Variants in ST18 observed in about 807,000 individuals in gnomAD.
ST18 encodes the protein suppression of tumorigenicity 18 protein.
In ST18, 50 loss-of-function variants were observed where a neutral mutation model predicts 110.0. That is an observed-to-expected ratio of 0.45 (90% CI 0.36 to 0.58). ST18 has a LOEUF of 0.58. Ranked by LOEUF, ST18 falls within the 20% of genes least tolerant of loss-of-function variation. The pLI is 0.00. For missense variants in ST18, 1,306 were observed against 1,280.1 expected (o/e 1.02, Z -0.31); for synonymous variants, 461 against 452.4 (o/e 1.02, Z -0.24).
chr8:52,180,668 C>CA (rs71915660), intron 8 of ST18, among the ~76,000 whole-genome samples: 7,223 of 147,770 alleles, frequency 0.049, 212 homozygotes, highest in East Asian at 0.083. Context: ...CCACCAGATA[C>CA]AAAAAAAAAA....
chr8:52,345,040 C>T lies in ST18; in HGVS notation c.-465+64288G>A, dbSNP rs544206974. On this transcript the variant is annotated intron_variant, in intron 2 of 25. Coordinates refer to ENST00000689386, the MANE Select transcript of ST18 (RefSeq NM_001352837.2). ...CCAAAGTTTATGTGCTTGGCTGATA[C>T]GTTAGGCTTTCTCAATACATATAAT... Among the ~76,000 whole-genome samples, 4 of 152,190 alleles carry T rather than the reference C, an allele frequency of 2.6e-5. 1 individual carries two copies. The highest frequency in any genetic ancestry group is 2.1e-4 in the South Asian group (1 of 4,818).
intron 22 of ST18, among the ~76,000 whole-genome samples, chr8:52,128,055 A>G (rs1360086966): frequency 6.6e-6 from 1 of 151,686 alleles, no homozygotes; most frequent in Admixed American, 6.6e-5. Flanking sequence ...TGCAACCTCC[A>G]CCTCCTGGGC....
intron 2 of ST18, among the ~76,000 whole-genome samples, chr8:52,373,621 T>G (rs573520809): frequency 1.3e-5 from 2 of 152,114 alleles, no homozygotes; most frequent in African/African-American, 2.4e-5. Context: ...CAAACCCTCC[T>G]AGGCCACTGG....
rs138612701 is a variant in ST18, at chr8:52,363,192, C to G, written c.-465+46136G>C. 5.1e-3 allele frequency among the ~76,000 whole-genome samples: 780 copies of G among 152,158 alleles called. 7 individuals carry two copies. The highest frequency in any genetic ancestry group is 0.018 in the African/African-American group (753 of 41,518). ...AGCCACTGCACTCCAGCCTGGGCGA[C>G]AGAGCGAGACTCCATCTCAAAAAAG... On this transcript the variant is annotated intron_variant, in intron 2 of 25. Coordinates refer to ENST00000689386, the MANE Select transcript of ST18 (RefSeq NM_001352837.2).
chr8:52,276,111 ACCG>A (rs1305059800), intron 2 of ST18, among the ~76,000 whole-genome samples: 4,082 of 51,554 alleles, frequency 0.079, no homozygotes, highest in Middle Eastern at 0.25. Context: ...TGAAACACAC[ACCG>A]CACCTATCAC....
chr8:52,148,593 G>A (rs1410937777), intron 16 of ST18, among the ~76,000 whole-genome samples: 1 of 151,210 alleles, frequency 6.6e-6, no homozygotes, highest in East Asian at 2.0e-4. Context: ...ATTCATTGCT[G>A]TATCTCCAGG....
intron 17 of ST18, 122 bp downstream of exon 17, chr8:52,142,808 A>G: frequency 1.4e-6 from 1 of 693,676 alleles, no homozygotes; most frequent in Non-Finnish European, 2.5e-6. Flanking sequence ...TTAACGTTTA[A>G]CTGCTGACTG....
At chr8:52,133,585 T>C (rs911502195) in intron 19 of ST18, among the ~76,000 whole-genome samples, 1 of 152,042 alleles carries the variant, frequency 6.6e-6, no homozygotes, top group African/African-American at 2.4e-5. Context: ...TTGTTGTTTA[T>C]TGTACATTCT....
At chr8:52,166,494 C>G (rs934818621) in intron 11 of ST18, among the ~76,000 whole-genome samples, 1 of 152,156 alleles carries the variant, frequency 6.6e-6, no homozygotes, top group Non-Finnish European at 1.5e-5. Flanking sequence ...GCTGCTTACC[C>G]CATCCCATCA....
intron 9 of ST18, among the ~76,000 whole-genome samples, chr8:52,174,145 T>G (rs556603869): frequency 5.3e-5 from 8 of 152,276 alleles, no homozygotes; most frequent in Non-Finnish European, 1.2e-4. Context: ...ACTGAAAAAT[T>G]TAACATTTTA....
chr8:52,156,954 CAATT>C (rs2060181230), intron 15 of ST18, among the ~76,000 whole-genome samples: 1 of 152,176 alleles, frequency 6.6e-6, no homozygotes, highest in Non-Finnish European at 1.5e-5. Flanking sequence ...GTCACCACAT[CAATT>C]GTTTGGCTTC....
rs2134806035 is a variant in ST18, at chr8:52,190,723, C to A, written c.87-10411G>T. Among the ~76,000 whole-genome samples the A allele has an allele frequency of 1.3e-5, 2 of 152,268 alleles. 1 individual carries two copies. The highest frequency in any genetic ancestry group is 4.1e-4 in the South Asian group (2 of 4,828). On this transcript the variant is annotated intron_variant, in intron 8 of 25. Transcript: ENST00000689386. ...TTTGTCAGGATATAGTTTGAAGGGA[C>A]CCGGAGAATCTGGATAACCCACAGA... is the stretch of plus-strand genomic sequence containing the variant.
At chr8:52,216,101 G>A (rs777421779) in intron 6 of ST18, among the ~76,000 whole-genome samples, 1 of 152,230 alleles carries the variant, frequency 6.6e-6, no homozygotes, top group South Asian at 2.1e-4. Context: ...AACTCCGTGA[G>A]TTTCTTTAGC....
chr8:52,133,321 A>G lies in ST18; in HGVS notation c.2301-20T>C, dbSNP rs1272868591. On this transcript the variant is annotated intron_variant, in intron 19 of 25. Transcript: ENST00000689386. ...GGACACCTGGAAGGCACAGGAAGAGAGCATGGGCTGAGAAGTTGTAGTTGG... is the reference window on the plus strand; with the variant it reads ...GGACACCTGGAAGGCACAGGAAGAGGGCATGGGCTGAGAAGTTGTAGTTGG... 1 of 1,613,884 alleles carries G rather than the reference A, an allele frequency of 6.2e-7. No homozygotes were observed. The highest frequency in any genetic ancestry group is 2.2e-5 in the East Asian group (1 of 44,880).
chr8:52,184,615 A>G (rs905215755), intron 8 of ST18, among the ~76,000 whole-genome samples: 1 of 152,300 alleles, frequency 6.6e-6, no homozygotes, highest in South Asian at 2.1e-4. Flanking sequence ...TTGACCTTTC[A>G]GGTTTCAGAA....
intron 14 of ST18, 48 bp downstream of exon 14, chr8:52,161,327 A>G (rs780097875): frequency 7.6e-6 from 12 of 1,589,290 alleles, no homozygotes; most frequent in Non-Finnish European, 1.0e-5. Flanking sequence ...ACATACACCC[A>G]TACACAAGAA....
chr8:52,267,161 A>C (rs1435442744), intron 2 of ST18, among the ~76,000 whole-genome samples: 1 of 152,066 alleles, frequency 6.6e-6, no homozygotes, highest in Non-Finnish European at 1.5e-5. Context: ...CAGGTATGAC[A>C]GTGGGGATGA....
chr8:52,245,841 T>C (rs1317764490), intron 2 of ST18, among the ~76,000 whole-genome samples: 1 of 152,122 alleles, frequency 6.6e-6, no homozygotes, highest in East Asian at 1.9e-4. Context: ...TTAACTCCAC[T>C]TAATAGTGTA....
chr8:52,252,868 A>G (rs1589328348), intron 2 of ST18, among the ~76,000 whole-genome samples: 1 of 151,094 alleles, frequency 6.6e-6, no homozygotes, highest in African/African-American at 2.4e-5. Context: ...CAAGTAGGAT[A>G]CCAAGCAGAT....
Sources: allele counts gnomAD v4.1 joint callset (sites outside exome capture counted in the v4.1 genomes callset), GRCh38; gene constraint gnomAD v4.1.1; transcripts MANE v1.5; gene names NCBI Gene and HGNC (gene_info 2026-07-23, HGNC 2026-07-21).